ZNF385B: variants seen among roughly 807,000 people sequenced by gnomAD.
ZNF385B encodes the protein zinc finger protein 385B.
A neutral mutation model predicts 39.2 loss-of-function variants in ZNF385B; 23 were observed. The observed-to-expected ratio is 0.59, with a 90% CI of 0.42 to 0.83. The LOEUF (loss-of-function observed/expected upper bound fraction) is 0.83, where lower values mean the gene tolerates loss of function less well. ZNF385B is among the 40% of genes least tolerant of loss of function. The pLI is 0.00. For synonymous variants in ZNF385B, 205 were observed against 222.6 expected, an observed-to-expected ratio of 0.92 and a Z score of 0.70; for missense variants, 552 against 598.9, an observed-to-expected ratio of 0.92 and a Z score of 0.82.
chr2:179,860,832 A>G (rs548113823), intron 1 of ZNF385B: 1 of 456,602 alleles, frequency 2.2e-6, no homozygotes, highest in Non-Finnish European at 4.6e-6. Flanking sequence ...ACAGAGGAGT[A>G]TGCTCCTGTG....
At chr2:179,681,000 T>C (rs1697461119) in intron 3 of ZNF385B, among the ~76,000 whole-genome samples, 1 of 151,944 alleles carries the variant, frequency 6.6e-6, no homozygotes, top group African/African-American at 2.4e-5. Flanking sequence ...CAATTCTTGA[T>C]CCCTGGATCC....
intron 1 of ZNF385B, among the ~76,000 whole-genome samples, chr2:179,821,301 T>A (rs1463478329): frequency 6.6e-6 from 1 of 152,180 alleles, no homozygotes; most frequent in Non-Finnish European, 1.5e-5. Context: ...AGTGAATTTC[T>A]TTAAAGCCAT....
At chr2:179,830,309 T>G (rs1418069812) in intron 1 of ZNF385B, among the ~76,000 whole-genome samples, 1 of 152,210 alleles carries the variant, frequency 6.6e-6, no homozygotes, top group South Asian at 2.1e-4. Flanking sequence ...CTTTGAAAAA[T>G]AGTTGGCAGT....
At chr2:179,766,576 C>T (rs1471983470) in intron 3 of ZNF385B, among the ~76,000 whole-genome samples, 1 of 152,054 alleles carries the variant, frequency 6.6e-6, no homozygotes, top group Non-Finnish European at 1.5e-5. Context: ...TGTCTTCTCC[C>T]TGTATCTCTT....
At chr2:179,470,870 C>CAAACAAACAAAG (rs1200482523) in intron 6 of ZNF385B, among the ~76,000 whole-genome samples, 3 of 152,114 alleles carry the variant, frequency 2.0e-5, no homozygotes, top group Admixed American at 1.3e-4. Flanking sequence ...GTCCCTGAAA[C>CAAACAAACAAAG]AAACAAACAA....
chr2:179,735,955 T>C (rs4894120), intron 3 of ZNF385B, among the ~76,000 whole-genome samples: 71,120 of 148,596 alleles, frequency 0.48, 17,332 homozygotes, highest in East Asian at 0.6. Flanking sequence ...GTGGGTGCAG[T>C]GCACCAGCAT....
intron 3 of ZNF385B, among the ~76,000 whole-genome samples, chr2:179,607,254 C>A (rs1317741029): frequency 6.6e-6 from 1 of 152,062 alleles, no homozygotes; most frequent in Non-Finnish European, 1.5e-5. Flanking sequence ...CCACCCAAAT[C>A]CTATCTTGAA....
chr2:179,776,430 C>G (rs1704320875), intron 1 of ZNF385B, among the ~76,000 whole-genome samples: 1 of 152,240 alleles, frequency 6.6e-6, no homozygotes, highest in East Asian at 1.9e-4. Context: ...AGACTTTGCA[C>G]AATACAAAAC....
At chr2:179,747,090 C>T (rs925519234) in intron 3 of ZNF385B, among the ~76,000 whole-genome samples, 2 of 152,074 alleles carry the variant, frequency 1.3e-5, no homozygotes, top group African/African-American at 2.4e-5. Context: ...TTGAGGATCT[C>T]CTATAAATGA....
intron 3 of ZNF385B, among the ~76,000 whole-genome samples, chr2:179,647,893 G>A (rs1326505376): frequency 6.6e-6 from 1 of 152,146 alleles, no homozygotes; most frequent in African/African-American, 2.4e-5. Context: ...ATTTTCTTGA[G>A]CAATTCCTTT....
intron 3 of ZNF385B, among the ~76,000 whole-genome samples, chr2:179,669,337 C>T (rs1362853714): frequency 6.6e-6 from 1 of 152,164 alleles, no homozygotes; most frequent in African/African-American, 2.4e-5. Flanking sequence ...AAATTGGTTA[C>T]ATATTAAAAC....
intron 3 of ZNF385B, among the ~76,000 whole-genome samples, chr2:179,743,501 G>A (rs914809737): frequency 3.9e-5 from 6 of 151,988 alleles, no homozygotes; most frequent in African/African-American, 1.4e-4. Flanking sequence ...TTTATGAAGT[G>A]TTTTCAGTTC....
chr2:179,574,675 A>ATTG (rs1685604803), intron 3 of ZNF385B, among the ~76,000 whole-genome samples: 1 of 152,216 alleles, frequency 6.6e-6, no homozygotes, highest in Non-Finnish European at 1.5e-5. Context: ...ATCTGAAGTC[A>ATTG]TACTTGTACA....
chr2:179,634,973 C>CAAAAAAAAAAAAAAAAAA (rs66671134), intron 3 of ZNF385B, among the ~76,000 whole-genome samples: 1 of 115,614 alleles, frequency 8.6e-6, no homozygotes, highest in Non-Finnish European at 1.8e-5. Context: ...ACTAAAAATA[C>CAAAAAAAAAAAAAAAAAA]AAAAAAAAAA....
intron 3 of ZNF385B, among the ~76,000 whole-genome samples, chr2:179,736,648 G>GTC (rs1701776061): frequency 6.6e-6 from 1 of 152,106 alleles, no homozygotes; most frequent in Non-Finnish European, 1.5e-5. Context: ...TTTAAATGCT[G>GTC]TCTTCCAATC....
intron 4 of ZNF385B, among the ~76,000 whole-genome samples, chr2:179,541,399 G>C (rs897833414): frequency 6.6e-6 from 1 of 152,016 alleles, no homozygotes; most frequent in Non-Finnish European, 1.5e-5. Context: ...ATCATATAAT[G>C]TTATCATACT....
At chr2:179,639,385 T>C (rs1223746643) in intron 3 of ZNF385B, among the ~76,000 whole-genome samples, 1 of 152,090 alleles carries the variant, frequency 6.6e-6, no homozygotes, top group Non-Finnish European at 1.5e-5. Flanking sequence ...ATTATATACT[T>C]GAAATTGCTA....
intron 4 of ZNF385B, among the ~76,000 whole-genome samples, chr2:179,525,642 A>G (rs953682711): frequency 6.6e-6 from 1 of 152,218 alleles, no homozygotes; most frequent in African/African-American, 2.4e-5. Flanking sequence ...CACATGAGGC[A>G]GACATGATTA....
chr2:179,746,966 G>C (rs1249787733), intron 3 of ZNF385B, among the ~76,000 whole-genome samples: 1 of 152,088 alleles, frequency 6.6e-6, no homozygotes, highest in Non-Finnish European at 1.5e-5. Flanking sequence ...ATTCCTAGGA[G>C]GCAACATTGA....
Sources: gnomAD v4.1 joint callset for allele counts (sites outside exome capture counted in the v4.1 genomes callset) on GRCh38, gnomAD v4.1.1 for gene constraint, MANE v1.5 for transcripts, NCBI Gene and HGNC (gene_info 2026-07-23, HGNC 2026-07-21) for gene names.